GPHN: variants seen among roughly 807,000 people sequenced by gnomAD.
GPHN encodes the protein gephyrin.
In GPHN, 17 loss-of-function variants were observed where a neutral mutation model predicts 95.5. The observed-to-expected ratio is 0.18, with a 90% confidence interval of 0.12 to 0.27. GPHN has a LOEUF of 0.27. Among genes scored for constraint, GPHN ranks in the 10% least tolerant of loss-of-function variants. The pLI, the probability that GPHN is intolerant of heterozygous loss-of-function variation, is 1.00. For synonymous variants in GPHN, 320 were observed against 322.5 expected, an observed-to-expected ratio of 0.99 and a Z score of 0.08; for missense variants, 660 against 978.1, an observed-to-expected ratio of 0.67 and a Z score of 4.34.
chr14:67,343,523 T>C, the GPHN span: 2 of 952,282 alleles, frequency 2.1e-6, no homozygotes, highest in Non-Finnish European at 3.2e-6. Flanking sequence ...ACTGCACTTG[T>C]AGAAAACATT....
At chr14:67,630,751 TG>T in the GPHN span, among the ~76,000 whole-genome samples, 8 of 152,200 alleles carry the variant, frequency 5.3e-5, no homozygotes, top group South Asian at 1.5e-3. Flanking sequence ...GCTAATTTTT[TG>T]TATTTTTAGT....
chr14:67,364,863 T>C, the GPHN span: 1 of 1,614,054 alleles, frequency 6.2e-7, no homozygotes. Context: ...AAATGGGGGC[T>C]TATGTCAGCT....
intron 3 of GPHN, among the ~76,000 whole-genome samples, chr14:66,786,571 C>G (rs1404960421): frequency 6.6e-6 from 1 of 151,996 alleles, no homozygotes; most frequent in African/African-American, 2.4e-5. Context: ...CAGAGAAAGA[C>G]AGTGCAAAGA....
At chr14:66,728,546 G>A (rs937194809) in intron 2 of GPHN, among the ~76,000 whole-genome samples, 20 of 152,240 alleles carry the variant, frequency 1.3e-4, no homozygotes, top group African/African-American at 4.6e-4. Flanking sequence ...TTACCTGAAT[G>A]TGAGACCTGG....
At chr14:66,871,368 GA>G (rs1244737573) in intron 4 of GPHN, among the ~76,000 whole-genome samples, 1 of 152,154 alleles carries the variant, frequency 6.6e-6, no homozygotes, top group African/African-American at 2.4e-5. Flanking sequence ...CCGAATTCAT[GA>G]AATGTCAACC....
chr14:67,579,072 CG>C, the GPHN span: 1 of 1,201,134 alleles, frequency 8.3e-7, no homozygotes, highest in Non-Finnish European at 1.2e-6. Context: ...GATAGGGATC[CG>C]GGGTGCCAAA....
chr14:66,803,412 C>A (rs376179478), intron 3 of GPHN, among the ~76,000 whole-genome samples: 1 of 152,136 alleles, frequency 6.6e-6, no homozygotes, highest in Admixed American at 6.5e-5. Flanking sequence ...TTGAGTTTTA[C>A]GAAGGTACTT....
the GPHN span, among the ~76,000 whole-genome samples, chr14:67,716,287 T>C: frequency 3.3e-5 from 5 of 151,580 alleles, no homozygotes; most frequent in Non-Finnish European, 7.4e-5. Context: ...GCAAATATAG[T>C]GTATGGGAGC....
intron 17 of GPHN, among the ~76,000 whole-genome samples, chr14:67,137,551 C>T (rs948921842): frequency 6.6e-6 from 1 of 152,076 alleles, no homozygotes; most frequent in East Asian, 2.0e-4. Context: ...ATCTCTTGAG[C>T]CCAGGAGTTC....
At chr14:66,818,232 A>G (rs1871531186) in intron 3 of GPHN, among the ~76,000 whole-genome samples, 1 of 152,086 alleles carries the variant, frequency 6.6e-6, no homozygotes, top group Non-Finnish European at 1.5e-5. Context: ...AGTACCCATT[A>G]GTTATATTTC....
the GPHN span, among the ~76,000 whole-genome samples, chr14:67,543,820 G>T: frequency 6.6e-6 from 1 of 152,154 alleles, no homozygotes; most frequent in Non-Finnish European, 1.5e-5. Flanking sequence ...GAAATACTGG[G>T]TTAAATATTT....
chr14:67,407,278 C>T, the GPHN span, among the ~76,000 whole-genome samples: 1 of 151,904 alleles, frequency 6.6e-6, no homozygotes, highest in Admixed American at 6.6e-5. Context: ...CCCATCACCA[C>T]ACCTGGCTAA....
At chr14:66,719,920 A>G (rs997182790) in intron 2 of GPHN, among the ~76,000 whole-genome samples, 3 of 152,200 alleles carry the variant, frequency 2.0e-5, no homozygotes, top group African/African-American at 7.2e-5. Context: ...AACTTTGGAA[A>G]CAAATTTGCC....
chr14:67,049,246 G>A (rs2153641183), intron 10 of GPHN, among the ~76,000 whole-genome samples: 1 of 136,452 alleles, frequency 7.3e-6, no homozygotes, highest in East Asian at 2.0e-4. Context: ...TTGTTGTTTT[G>A]AGAGAGAGTC....
chr14:66,739,286 G>A (rs117634213), intron 2 of GPHN, among the ~76,000 whole-genome samples: 5,875 of 145,312 alleles, frequency 0.04, 168 homozygotes, highest in Middle Eastern at 0.067. Context: ...GCACAATCTC[G>A]GCGTACTGCA....
chr14:66,953,628 T>C (rs904093486), intron 8 of GPHN, among the ~76,000 whole-genome samples: 2 of 152,184 alleles, frequency 1.3e-5, no homozygotes, highest in South Asian at 4.1e-4. Context: ...ATCAATTAAG[T>C]ATAAAGTTAG....
At chr14:66,834,897 G>T (rs1256516568) in intron 4 of GPHN, among the ~76,000 whole-genome samples, 1 of 140,636 alleles carries the variant, frequency 7.1e-6, no homozygotes, top group Non-Finnish European at 1.5e-5. Flanking sequence ...GACTCTTTTT[G>T]GTTGGTAAGC....
intron 17 of GPHN, among the ~76,000 whole-genome samples, chr14:67,133,143 G>C (rs1595302761): frequency 6.6e-6 from 1 of 152,076 alleles, no homozygotes; most frequent in South Asian, 2.1e-4. Context: ...AAGATTTGTA[G>C]TTAATGAATT....
At chr14:67,528,651 C>T in the GPHN span, among the ~76,000 whole-genome samples, 1 of 152,146 alleles carries the variant, frequency 6.6e-6, no homozygotes, top group South Asian at 2.1e-4. Flanking sequence ...GCTCTTTCTC[C>T]CTCCCTCTCC....
Sources: gnomAD v4.1 joint callset for allele counts (sites outside exome capture counted in the v4.1 genomes callset) on GRCh38, gnomAD v4.1.1 for gene constraint, MANE v1.5 for transcripts, NCBI Gene and HGNC (gene_info 2026-07-23, HGNC 2026-07-21) for gene names.